PTPRM: variants seen among roughly 807,000 people sequenced by gnomAD.
PTPRM encodes the protein receptor-type tyrosine-protein phosphatase mu.
In PTPRM, 47 loss-of-function variants were observed where a neutral mutation model predicts 186.7. The observed-to-expected ratio is 0.25, with a 90% CI of 0.20 to 0.32. The LOEUF (loss-of-function observed/expected upper bound fraction) is 0.32. Ranked by LOEUF, PTPRM falls within the 10% of genes least tolerant of loss-of-function variation. PTPRM has a pLI of 1.00. For missense variants in PTPRM, 1,494 were observed against 1,865.0 expected, an observed-to-expected ratio of 0.80 and a Z score of 3.66; for synonymous variants, 668 against 674.9, an observed-to-expected ratio of 0.99 and a Z score of 0.16.
intron 21 of PTPRM, among the ~76,000 whole-genome samples, chr18:8,316,851 C>A (rs2095312208): frequency 6.6e-6 from 1 of 152,008 alleles, no homozygotes; most frequent in Non-Finnish European, 1.5e-5. Flanking sequence ...GCAAGGAAGA[C>A]AAGGGGTTGA....
chr18:7,901,696 G>GA (rs949659440), intron 3 of PTPRM, among the ~76,000 whole-genome samples: 4 of 151,654 alleles, frequency 2.6e-5, no homozygotes, highest in African/African-American at 7.3e-5. Context: ...TTGTTTGTTA[G>GA]AAAAAAAACA....
At chr18:8,142,281 T>A (rs908667241) in intron 13 of PTPRM, among the ~76,000 whole-genome samples, 5 of 152,204 alleles carry the variant, frequency 3.3e-5, no homozygotes, top group African/African-American at 9.6e-5. Context: ...GATTGGAATA[T>A]GCTTTGTCAT....
chr18:7,593,890 A>C (rs2037188065), intron 1 of PTPRM, among the ~76,000 whole-genome samples: 1 of 152,164 alleles, frequency 6.6e-6, no homozygotes, highest in African/African-American at 2.4e-5. Context: ...TGTGGAGACC[A>C]AGACTTAGAA....
intron 7 of PTPRM, among the ~76,000 whole-genome samples, chr18:7,986,555 C>T (rs1199816776): frequency 3.3e-5 from 5 of 152,144 alleles, no homozygotes; most frequent in Non-Finnish European, 7.3e-5. Flanking sequence ...CAGCCAAGGC[C>T]GGTGAATGAA....
chr18:8,391,729 T>C (rs2095814135), intron 31 of PTPRM, among the ~76,000 whole-genome samples: 1 of 152,232 alleles, frequency 6.6e-6, no homozygotes, highest in African/African-American at 2.4e-5. Context: ...ATTGTAGGTA[T>C]ATTATACTTT....
chr18:8,376,025 C>A (rs1356020864), intron 24 of PTPRM, 21 bp from the exon 25 acceptor site: 1 of 1,594,810 alleles, frequency 6.3e-7, no homozygotes, highest in Admixed American at 1.7e-5. Context: ...CTTCCTTGTT[C>A]TGGCTAACCA....
At position 8,081,132 on chromosome 18, in the gene PTPRM, G is replaced by A. The variant is rs118192086; in HGVS notation, c.1552-4539G>A. On this transcript the variant is annotated intron_variant, in intron 9 of 32. Coordinates refer to ENST00000580170, the MANE Select transcript of PTPRM (RefSeq NM_001105244.2). ...TTTTGATTCCCCTCTTCTATAACAT[G>A]CAAGTCAAAGATTGCATGTTATTCT... Among the ~76,000 whole-genome samples the A allele has an allele frequency of 5.6e-3, 858 of 152,198 alleles. 29 individuals are homozygous for A. In the East Asian group the frequency reaches 0.12, roughly 20 times the overall value.
At chr18:8,001,390 T>G (rs1282229483) in intron 7 of PTPRM, among the ~76,000 whole-genome samples, 4 of 152,188 alleles carry the variant, frequency 2.6e-5, no homozygotes, top group Non-Finnish European at 5.9e-5. Context: ...CAGGCCATTG[T>G]CCAGTTATGG....
At chr18:8,324,274 T>C (rs1478247300) in intron 22 of PTPRM, among the ~76,000 whole-genome samples, 1 of 152,184 alleles carries the variant, frequency 6.6e-6, no homozygotes, top group African/African-American at 2.4e-5. Flanking sequence ...CCCTAGAGTA[T>C]TGTTATAATC....
At chr18:7,624,532 C>A (rs145059893) in intron 1 of PTPRM, among the ~76,000 whole-genome samples, 93 of 152,086 alleles carry the variant, frequency 6.1e-4, no homozygotes, top group African/African-American at 2.2e-3. Context: ...GTTGTCCAGG[C>A]TGGAGTGCAG....
At chr18:7,842,375 A>G (rs926449324) in intron 2 of PTPRM, among the ~76,000 whole-genome samples, 17 of 152,288 alleles carry the variant, frequency 1.1e-4, no homozygotes, top group African/African-American at 4.1e-4. Flanking sequence ...CAAGCCACCC[A>G]ACTAACCAAT....
intron 2 of PTPRM, among the ~76,000 whole-genome samples, chr18:7,845,542 C>T (rs375844820): frequency 3.4e-4 from 52 of 152,198 alleles, no homozygotes; most frequent in African/African-American, 8.2e-4. Context: ...AAAAATTTTT[C>T]GATACACTGA....
At chr18:7,873,798 T>C (rs2048093070) in intron 2 of PTPRM, among the ~76,000 whole-genome samples, 2 of 152,202 alleles carry the variant, frequency 1.3e-5, no homozygotes, top group African/African-American at 2.4e-5. Context: ...ATTAATAAAT[T>C]AAAAAATACT....
chr18:7,576,226 A>G (rs2036683392), intron 1 of PTPRM, among the ~76,000 whole-genome samples: 1 of 152,258 alleles, frequency 6.6e-6, no homozygotes, highest in Non-Finnish European at 1.5e-5. Flanking sequence ...AAAAGCTTAT[A>G]GAGCATCAGT....
chr18:7,827,145 C>T, intron 2 of PTPRM, among the ~76,000 whole-genome samples: 1 of 152,060 alleles, frequency 6.6e-6, no homozygotes, highest in East Asian at 1.9e-4. Flanking sequence ...GGACTGTGTT[C>T]AGGGCACTAA....
chr18:7,603,084 C>A (rs190158946), intron 1 of PTPRM, among the ~76,000 whole-genome samples: 1 of 151,660 alleles, frequency 6.6e-6, no homozygotes, highest in Non-Finnish European at 1.5e-5. Context: ...CCCGCCACCA[C>A]GCCTGGCTAA....
intron 2 of PTPRM, among the ~76,000 whole-genome samples, chr18:7,881,846 G>A (rs145589009): frequency 2.3e-3 from 343 of 152,186 alleles, no homozygotes; most frequent in Middle Eastern, 0.01. Flanking sequence ...CATTCACCAT[G>A]ACCATGTGTG....
chr18:8,380,412 T>A lies in PTPRM; in HGVS notation c.3903T>A (p.Asp1301Glu), dbSNP rs762311310. The A allele has an allele frequency of 1.9e-6, 3 of 1,614,192 alleles. No individual in the cohort carries two copies. In the South Asian group the frequency reaches 3.3e-5, roughly 18 times the overall value. ...GCACATCCGTAGTTATGCTAAATGA[T>A]GTGGATCCTGCCCAGGTGAGACCCG... The part of the protein sequence containing the change: ...YHCTSVVMLN[D>E]VDPAQLCPQY... The change falls in exon 29 of 33, where the codon GAT becomes GAA. Residue 1301 changes from aspartate (D) to glutamate (E), a missense_variant. Around this residue, in one of 3 missense-constraint regions of PTPRM, gnomAD observed 1,107 missense variants for 1,350.2 expected, o/e 0.82. Coordinates refer to ENST00000580170, the MANE Select transcript of PTPRM (RefSeq NM_001105244.2).
intron 5 of PTPRM, among the ~76,000 whole-genome samples, chr18:7,936,536 C>G (rs1184122165): frequency 6.6e-6 from 1 of 152,188 alleles, no homozygotes; most frequent in Non-Finnish European, 1.5e-5. Context: ...TAGGCACTGA[C>G]AAGCATGGGA....
Sources: allele counts gnomAD v4.1 joint callset (sites outside exome capture counted in the v4.1 genomes callset), GRCh38; gene constraint gnomAD v4.1.1; regional missense constraint gnomAD v4.1.1; transcripts MANE v1.5; gene names NCBI Gene and HGNC (gene_info 2026-07-23, HGNC 2026-07-21).